PACRGL: variants seen among roughly 807,000 people sequenced by gnomAD.
The protein encoded by PACRGL is PACRG-like protein.
In PACRGL, 38 loss-of-function variants were observed where a neutral mutation model predicts 34.5. That is an observed-to-expected ratio of 1.10 (90% CI 0.85 to 1.44). The LOEUF is 1.44. PACRGL is among the 40% of genes most tolerant of loss of function. The pLI is 0.00. For synonymous variants in PACRGL, 128 were observed against 100.1 expected (o/e 1.28, Z -1.66); for missense variants, 305 against 281.4 (o/e 1.08, Z -0.60).
the PACRGL span, among the ~76,000 whole-genome samples, chr4:20,763,122 C>G: frequency 1.3e-5 from 2 of 152,130 alleles, no homozygotes; most frequent in Non-Finnish European, 2.9e-5. Context: ...GATTACAATT[C>G]AAGATGAGAT....
intron 7 of PACRGL, among the ~76,000 whole-genome samples, chr4:20,715,013 T>C (rs1739165391): frequency 6.6e-6 from 1 of 152,148 alleles, no homozygotes; most frequent in Non-Finnish European, 1.5e-5. Flanking sequence ...AGCAAAGACT[T>C]GGAACCAACC....
intron 8 of PACRGL, among the ~76,000 whole-genome samples, chr4:20,725,363 A>ACG (rs1231170599): frequency 1.3e-5 from 2 of 152,052 alleles, no homozygotes; most frequent in Non-Finnish European, 2.9e-5. Context: ...ACACACACAC[A>ACG]CACACACACA....
At chr4:20,757,065 G>A (rs1263366411), downstream of PACRGL, among the ~76,000 whole-genome samples, 2 of 152,070 alleles carry the variant, frequency 1.3e-5, no homozygotes, top group African/African-American at 2.4e-5. Context: ...CACCTCAGAT[G>A]TAATTTGTCC....
intron 6 of PACRGL, 108 bp from the exon 7 acceptor site, chr4:20,713,324 T>A: frequency 1.3e-6 from 1 of 769,406 alleles, no homozygotes; most frequent in South Asian, 1.8e-5. Flanking sequence ...AGATGTTTAA[T>A]CTTATCCTTT....
the PACRGL span, among the ~76,000 whole-genome samples, chr4:20,764,228 CTACTGTAAGAGTATATTGGTCAT>C: frequency 6.6e-6 from 1 of 152,248 alleles, no homozygotes; most frequent in Non-Finnish European, 1.5e-5. Context: ...CATAATCTGA[CTACTGTAAGAGTATATTGGTCAT>C]TTATATAAGC....
chr4:20,701,783 C>G lies in PACRGL; in HGVS notation c.-17+996C>G, dbSNP rs141120132. On this transcript the variant is annotated intron_variant, in intron 1 of 8. Coordinates refer to ENST00000503585, the MANE Select transcript of PACRGL (RefSeq NM_001258345.3). ...TCTCTTTCAGATACCCAAATCCACC[C>G]ATGCCAAAGTCCTCCAGTCTGCTCT... is the stretch of plus-strand genomic sequence containing the variant. 1.7e-3 allele frequency: 785 copies of G among 449,916 alleles called. 11 individuals are homozygous for G. Among genetic ancestry groups the G allele is most frequent in the African/African-American group, 0.014 (715 of 49,950 alleles). The allele number at this position is 449,916 out of a possible 1,614,324, so 27.9% of individuals were successfully genotyped here.
In PACRGL at chr4:20,704,669, A is replaced by G. The variant is rs773368547; in HGVS notation, c.62A>G (p.Asp21Gly). ...TTCTGTTTTTTTCCAGGTAACTATGATCAAAGGACATCATCAAGCACACAG... is the reference window on the plus strand; with the variant it reads ...TTCTGTTTTTTTCCAGGTAACTATGGTCAAAGGACATCATCAAGCACACAG... ...QLKNRATGNY[D>G]QRTSSSTQLK... The change falls in exon 3 of 9, where the codon GAT (aspartate) becomes GGT (glycine). Residue 21 changes from aspartate (D) to glycine (G), a missense_variant. Asp to Gly is a moderately conservative substitution (Grantham distance 94, BLOSUM62 -1). Transcript: ENST00000503585. 3.1e-6 allele frequency: 5 copies of G among 1,614,050 alleles called. No individual in the cohort carries two copies. The highest frequency in any genetic ancestry group is 4.2e-6 in the Non-Finnish European group (5 of 1,179,986).
rs144691045 is a variant in PACRGL at position 20,740,033 on chromosome 4, A to T, written c.*57-12532A>T. 4.1e-3 allele frequency among the ~76,000 whole-genome samples: 627 copies of T among 152,278 alleles called. 9 individuals are homozygous for T. Among genetic ancestry groups the T allele is most frequent in the African/African-American group, 0.014 (593 of 41,550 alleles). ...AGTGAATGAAATGAAGCGAGAAGAG[A>T]AGTATAGAGAAAAATGAGTTAAACA... is the stretch of plus-strand genomic sequence containing the variant. On this transcript the variant is annotated intron_variant, in intron 8 of 8. Transcript: ENST00000507634.
chr4:20,737,832 C>G (rs1376408320), intron 8 of PACRGL, among the ~76,000 whole-genome samples: 1 of 152,156 alleles, frequency 6.6e-6, no homozygotes, highest in African/African-American at 2.4e-5. Flanking sequence ...TATGAGTGTA[C>G]ATCTTGCACA....
chr4:20,760,187 A>G, the PACRGL span, among the ~76,000 whole-genome samples: 13 of 152,154 alleles, frequency 8.5e-5, no homozygotes, highest in Non-Finnish European at 1.6e-4. Flanking sequence ...ATTCTCATGA[A>G]CAGTCCCATG....
the PACRGL span, among the ~76,000 whole-genome samples, chr4:20,766,535 C>T: frequency 3.3e-5 from 5 of 152,186 alleles, no homozygotes; most frequent in Admixed American, 1.3e-4. Context: ...CACTATACTC[C>T]AGCCTGGGTG....
At chr4:20,740,420 A>G (rs1056305258) in intron 8 of PACRGL, among the ~76,000 whole-genome samples, 1 of 152,176 alleles carries the variant, frequency 6.6e-6, no homozygotes. Context: ...GTGGGGGCCA[A>G]TATTCAACAC....
At chr4:20,744,207 C>T (rs1751878101) in intron 8 of PACRGL, among the ~76,000 whole-genome samples, 1 of 151,980 alleles carries the variant, frequency 6.6e-6, no homozygotes, top group Non-Finnish European at 1.5e-5. Context: ...CTGGTGACTC[C>T]TCAAGGAGCT....
chr4:20,755,851 T>A (rs1020658071), downstream of PACRGL, among the ~76,000 whole-genome samples: 20 of 152,058 alleles, frequency 1.3e-4, no homozygotes, highest in Admixed American at 1.2e-3. Context: ...GCTGGTGTGC[T>A]GGTGGGATGG....
At chr4:20,734,693 G>A (rs1294858626), downstream of PACRGL, 1 of 1,600,766 alleles carries the variant, frequency 6.2e-7, no homozygotes, top group African/African-American at 1.4e-5. Flanking sequence ...AGTTTTTCTT[G>A]TACTGTCCCC....
At position 20,731,804 on chromosome 4, in the gene PACRGL, C is replaced by T. The variant is rs915043394; in HGVS notation, c.*4463C>T. On this transcript the variant is annotated 3_prime_UTR_variant, in exon 9 of 9. Coordinates refer to ENST00000503585, the MANE Select transcript of PACRGL (RefSeq NM_001258345.3). ...TGTATCCCCAGGGTTTCCTCCATAG[C>T]CTGACTCAGTGGGCACTCTAAATGT... 1.0e-6 allele frequency: 1 copy of T among 985,264 alleles called. No homozygotes were observed. The highest frequency in any genetic ancestry group is 1.7e-5 in the African/African-American group (1 of 57,216). 61.0% of individuals were successfully genotyped at this position (985,264 alleles called of 1,614,324 possible).
chr4:20,723,813 G>C (rs1315827069), intron 7 of PACRGL, among the ~76,000 whole-genome samples: 1 of 152,078 alleles, frequency 6.6e-6, no homozygotes, highest in Non-Finnish European at 1.5e-5. Flanking sequence ...CTGACCATCA[G>C]ATCCTGGTGT....
At chr4:20,700,357 GGC>G (rs1320731921), upstream of PACRGL, 1 of 152,176 alleles carries the variant, frequency 6.6e-6, no homozygotes, top group Non-Finnish European at 1.5e-5. Context: ...CCTCTTCTGG[GGC>G]GCCTCCGCGA....
chr4:20,766,411 C>T, the PACRGL span, among the ~76,000 whole-genome samples: 4 of 152,158 alleles, frequency 2.6e-5, no homozygotes, highest in Admixed American at 6.5e-5. Context: ...ACTAAAAATA[C>T]AAAAATTAGC....
Sources: gnomAD v4.1 joint callset for allele counts (sites outside exome capture counted in the v4.1 genomes callset) on GRCh38, gnomAD v4.1.1 for gene constraint, MANE v1.5 for transcripts, NCBI Gene and HGNC (gene_info 2026-07-23, HGNC 2026-07-21) for gene names.